Variants in CENPT observed in about 807,000 individuals in gnomAD.
CENPT encodes the protein centromere protein T, also known as interphase centromere complex protein 22.
Under a neutral mutation model 59.7 loss-of-function variants are expected in CENPT, and 42 were observed. The ratio of observed to expected loss-of-function variants is 0.70; its 90% confidence interval spans 0.55 to 0.91. The LOEUF (loss-of-function observed/expected upper bound fraction) is 0.91, where lower values mean the gene tolerates loss of function less well. Among genes scored for constraint, CENPT ranks in the 40% least tolerant of loss-of-function variants. The pLI is 0.00. For synonymous variants in CENPT, 295 were observed against 289.6 expected (o/e 1.02, Z -0.19); for missense variants, 716 against 713.4 (o/e 1.00, Z -0.04).
chr16:67,841,028 T>C (rs1006170460), intron 1 of CENPT, among the ~76,000 whole-genome samples: 6 of 137,754 alleles, frequency 4.4e-5, no homozygotes, highest in African/African-American at 1.6e-4. Flanking sequence ...TATATATATA[T>C]ATATATATAT....
chr16:67,837,020 C>T (rs1373934804), intron 1 of CENPT, among the ~76,000 whole-genome samples: 2 of 151,942 alleles, frequency 1.3e-5, no homozygotes, highest in Admixed American at 6.6e-5. Flanking sequence ...GGATTACAGG[C>T]GTGAGCCACT....
chr16:67,837,918 A>G (rs1015637072), intron 1 of CENPT, among the ~76,000 whole-genome samples: 1 of 152,206 alleles, frequency 6.6e-6, no homozygotes, highest in Non-Finnish European at 1.5e-5. Flanking sequence ...ATGGAATAGG[A>G]AGCCAGTGGA....
chr16:67,831,380 G>A (rs781095735), intron 9 of CENPT, 22 bp from the exon 10 acceptor site: 1 of 1,609,020 alleles, frequency 6.2e-7, no homozygotes, highest in Non-Finnish European at 8.5e-7. Context: ...GGGAGGCACA[G>A]AGGAAAGTCA....
chr16:67,828,973 AC>A, intron 13 of CENPT, 130 bp from the exon 14 acceptor site: 1 of 915,566 alleles, frequency 1.1e-6, no homozygotes, highest in Non-Finnish European at 1.6e-6. Flanking sequence ...AGCAGCCCTG[AC>A]CACCTGCTGA....
chr16:67,842,503 C>G lies in CENPT; in HGVS notation c.-492+4898G>C. The G allele has an allele frequency of 7.1e-7, 1 of 1,403,976 alleles. No homozygotes were observed. Among genetic ancestry groups the G allele is most frequent in the Non-Finnish European group, 9.3e-7 (1 of 1,080,528 alleles). 87.0% of individuals were successfully genotyped at this position (1,403,976 alleles called of 1,614,324 possible). ...GCGGGCGGCGGCGTAGCCACTGGGCCGTCGAAGAGCGCAGGAGGCCGGTGG... is the reference window on the plus strand; with the variant it reads ...GCGGGCGGCGGCGTAGCCACTGGGCGGTCGAAGAGCGCAGGAGGCCGGTGG... On this transcript the variant is annotated intron_variant, in intron 1 of 15. Transcript: ENST00000562787. The surrounding 1 kb of genome is among the most constrained non-coding windows in gnomAD (Gnocchi z 4.9).
intron 13 of CENPT, 124 bp downstream of exon 13, chr16:67,829,299 G>T: frequency 1.3e-6 from 1 of 778,366 alleles, no homozygotes; most frequent in Non-Finnish European, 1.9e-6. Context: ...CCCCAGCCCA[G>T]CTGAAGCTGC....
At position 67,840,601 on chromosome 16, in the gene CENPT, G is replaced by A. The variant is rs570356050; in HGVS notation, c.-491-4943C>T. On this transcript the variant is annotated intron_variant, in intron 1 of 15. Coordinates refer to ENST00000562787, the MANE Select transcript of CENPT (RefSeq NM_025082.4). The stretch of plus-strand genomic sequence containing the variant: ...TGGGGTCTAATTGCGGGGGGCGGGA[G>A]GAGGGAGAGGAACAGAAAAGATAAC... Among the ~76,000 whole-genome samples the A allele has an allele frequency of 2.6e-5, 4 of 152,100 alleles. No individual in the cohort carries two copies. The South Asian group carries it at 6.2e-4, about 24-fold the overall frequency.
chr16:67,841,010 C>CATATATATATATATATATATATAT (rs66882634), intron 1 of CENPT, among the ~76,000 whole-genome samples: 15 of 109,378 alleles, frequency 1.4e-4, no homozygotes, highest in African/African-American at 2.5e-4. Flanking sequence ...ATACAAAATA[C>CATATATATATATATATATATATAT]ATATATATAT....
Position 67,832,235 on chromosome 16 carries a change from T to G in CENPT, c.282A>C (p.Leu94=). ...QTPRTLLKNI[L]LTAPESSILM... Reference sequence around the variant, plus strand: ...AGGCCAGCGCTCACTTACCAGTTAGTAGGATGTTCTTCAGCAGCGTCCGAG... The same window carrying G: ...AGGCCAGCGCTCACTTACCAGTTAGGAGGATGTTCTTCAGCAGCGTCCGAG... The change falls in exon 6 of 16, where the codon CTA becomes CTC. Residue 94 remains leucine (L), a synonymous_variant. Coordinates refer to ENST00000562787, the MANE Select transcript of CENPT (RefSeq NM_025082.4). 6.2e-7 allele frequency: 1 copy of G among 1,614,080 alleles called. No homozygotes were observed. The highest frequency in any genetic ancestry group is 8.5e-7 in the Non-Finnish European group (1 of 1,179,968).
chr16:67,842,450 G>A lies in CENPT; in HGVS notation c.-492+4951C>T, dbSNP rs7185408. ...GCGGCAGTGGTGGGATACCACCCAA[G>A]GCCTCGCGCGGCGCCGCCCGTCGAG... On this transcript the variant is annotated intron_variant, in intron 1 of 15. Coordinates refer to ENST00000562787, the MANE Select transcript of CENPT (RefSeq NM_025082.4). This position sits in a 1 kb window ranked among gnomAD's most constrained non-coding sequence, Gnocchi z 4.9. 0.011 allele frequency: 9,721 copies of A among 886,710 alleles called. 319 individuals carry two copies. Among genetic ancestry groups the A allele is most frequent in the African/African-American group, 0.11 (5,975 of 56,088 alleles). The allele number at this position is 886,710 out of a possible 1,614,324, so 54.9% of individuals were successfully genotyped here.
At chr16:67,841,429 T>C (rs1024700519) in intron 1 of CENPT, 2 of 152,166 alleles carry the variant, frequency 1.3e-5, no homozygotes. Context: ...TTTTCTGCCA[T>C]GTGGCCTTAC....
At chr16:67,832,783 G>C (rs1371918734) in intron 4 of CENPT, among the ~76,000 whole-genome samples, 1 of 152,120 alleles carries the variant, frequency 6.6e-6, no homozygotes, top group Admixed American at 6.5e-5. Context: ...AACCAGGAGG[G>C]GCTGGGAAAG....
intron 9 of CENPT, 83 bp downstream of exon 9, chr16:67,831,493 G>A: frequency 1.3e-6 from 2 of 1,580,518 alleles, no homozygotes; most frequent in South Asian, 1.1e-5. Flanking sequence ...AAGTAGTATG[G>A]GCAGATTCCA....
chr16:67,837,701 AAAACAAAC>A (rs78450482), intron 1 of CENPT, among the ~76,000 whole-genome samples: 16 of 152,188 alleles, frequency 1.1e-4, no homozygotes, highest in South Asian at 1.0e-3. Context: ...CTCCGTCTCA[AAAACAAAC>A]AAACAAACAA....
rs1160242134 is a variant in CENPT at position 67,828,515 on chromosome 16, G to A, written c.1521C>T (p.Arg507=). ...DLEVFAAHAG[R]KTVKPEDLEL... is the part of the protein sequence containing the mutation. ...CCAGGTCCTCTGGCTTCACAGTCTT[G>A]CGGCCAGCATGAGCAGCAAATACCT... The change falls in exon 15 of 16, where the codon CGC becomes CGT. Residue 507 remains arginine, a synonymous_variant. Transcript: ENST00000562787. 2.5e-6 allele frequency: 4 copies of A among 1,614,208 alleles called. No homozygotes were observed. The highest frequency in any genetic ancestry group is 1.3e-5 in the African/African-American group (1 of 75,054).
chr16:67,828,978 C>G, intron 13 of CENPT, 135 bp from the exon 14 acceptor site: 1 of 847,254 alleles, frequency 1.2e-6, no homozygotes, highest in East Asian at 2.7e-5. Context: ...CCCTGACCAC[C>G]TGCTGAGGGG....
In CENPT at chr16:67,831,132, G is replaced by A. The variant is rs751791233; in HGVS notation, c.703+84C>T. ...TGTCCTTGACCCCACCGAGAGGGGT[G>A]CAACCCTGACTCAGCATCACCTCCT... On this transcript the variant is annotated intron_variant, in intron 10 of 15. Transcript: ENST00000562787. 41 of 1,590,018 alleles carry A rather than the reference G, an allele frequency of 2.6e-5. No homozygotes were observed. In the African/African-American group the frequency reaches 3.1e-4, roughly 12 times the overall value.
chr16:67,832,620 G>T (rs2057704453), intron 4 of CENPT, 75 bp from the exon 5 acceptor site: 1 of 1,360,636 alleles, frequency 7.3e-7, no homozygotes, highest in African/African-American at 1.4e-5. Context: ...GCCTTCATCA[G>T]GGGTCTTGGT....
At chr16:67,831,011 A>T (rs2057681945) in intron 10 of CENPT, 7 of 680,508 alleles carry the variant, frequency 1.0e-5, no homozygotes, top group East Asian at 2.6e-5. Flanking sequence ...GTCTAAGGAT[A>T]TGGGGCCCTG....
Sources: allele counts gnomAD v4.1 joint callset (sites outside exome capture counted in the v4.1 genomes callset), GRCh38; gene constraint gnomAD v4.1.1; non-coding constraint Gnocchi (gnomAD v3.1); transcripts MANE v1.5; gene names NCBI Gene and HGNC (gene_info 2026-07-23, HGNC 2026-07-21).